Variants in ADIPOR2 observed in about 807,000 individuals in gnomAD.
ADIPOR2 encodes the protein adiponectin receptor 2.
ADIPOR2 carries 18 observed loss-of-function variants against 40.9 expected under a neutral mutation model. The observed-to-expected ratio is 0.44, with a 90% confidence interval of 0.30 to 0.65. The LOEUF (loss-of-function observed/expected upper bound fraction) is 0.65, where lower values mean the gene tolerates loss of function less well. Ranked by LOEUF, ADIPOR2 falls within the 30% of genes least tolerant of loss-of-function variation. The pLI, the probability that ADIPOR2 is intolerant of heterozygous loss-of-function variation, is 0.09. For missense variants in ADIPOR2, 283 were observed against 479.2 expected (o/e 0.59, Z 3.82); for synonymous variants, 165 against 166.4 (o/e 0.99, Z 0.06).
At position 1,754,397 on chromosome 12, in the gene ADIPOR2, T is replaced by C; in HGVS notation, c.54T>C (p.Asp18=). The change falls in exon 2 of 8, where the codon GAT becomes GAC. Residue 18 remains aspartate, a synonymous_variant. Transcript: ENST00000357103. ...GGTGCAGCAGGACTCCAGAGCCAGA[T>C]ATAAGGCTCAGAAAAGGGCACCAAC... The part of the protein sequence containing the change: ...RLGCSRTPEP[D]IRLRKGHQLD... 1.7e-5 allele frequency: 28 copies of C among 1,613,362 alleles called. No homozygotes were observed. Among genetic ancestry groups the C allele is most frequent in the Non-Finnish European group, 2.3e-5 (27 of 1,179,688 alleles).
At chr12:1,704,275 C>A (rs947018888) in intron 1 of ADIPOR2, among the ~76,000 whole-genome samples, 2 of 151,888 alleles carry the variant, frequency 1.3e-5, no homozygotes, top group African/African-American at 4.8e-5. Flanking sequence ...ATCTCTGTGA[C>A]CAGAGTGATA....
intron 1 of ADIPOR2, among the ~76,000 whole-genome samples, chr12:1,723,463 G>GAAAAAA (rs58233234): frequency 9.4e-6 from 1 of 106,192 alleles, no homozygotes. Flanking sequence ...CGTCTCTACT[G>GAAAAAA]AAAAAAAAAA....
At chr12:1,762,040 T>G (rs1218639326) in intron 2 of ADIPOR2, among the ~76,000 whole-genome samples, 1 of 152,208 alleles carries the variant, frequency 6.6e-6, no homozygotes, top group Non-Finnish European at 1.5e-5. Flanking sequence ...TTCATTGAGC[T>G]GCAGCCGCAT....
intron 7 of ADIPOR2, among the ~76,000 whole-genome samples, chr12:1,784,613 A>G (rs563876911): frequency 6.6e-6 from 1 of 152,262 alleles, no homozygotes; most frequent in East Asian, 1.9e-4. Context: ...AAATTTAGTG[A>G]TTTGTAATGG....
At chr12:1,748,306 T>A (rs890775635) in intron 1 of ADIPOR2, among the ~76,000 whole-genome samples, 35 of 152,194 alleles carry the variant, frequency 2.3e-4, no homozygotes, top group South Asian at 1.2e-3. Context: ...TGGAGTGCAG[T>A]GGCGCGATCT....
At chr12:1,716,143 C>T (rs1005523930) in intron 1 of ADIPOR2, among the ~76,000 whole-genome samples, 5 of 152,158 alleles carry the variant, frequency 3.3e-5, no homozygotes, top group East Asian at 1.9e-4. Flanking sequence ...GAACCAACTC[C>T]GCACACATAA....
intron 1 of ADIPOR2, among the ~76,000 whole-genome samples, chr12:1,716,367 A>C (rs1001578991): frequency 6.6e-6 from 1 of 152,206 alleles, no homozygotes; most frequent in Non-Finnish European, 1.5e-5. Context: ...TGTAGTTATT[A>C]ATATGACCAG....
At chr12:1,710,256 C>T (rs2094673575) in intron 1 of ADIPOR2, among the ~76,000 whole-genome samples, 1 of 152,200 alleles carries the variant, frequency 6.6e-6, no homozygotes, top group African/African-American at 2.4e-5. Flanking sequence ...GTCAGGTCCC[C>T]TTCCATGCTG....
At chr12:1,723,992 T>G (rs1477983452) in intron 1 of ADIPOR2, among the ~76,000 whole-genome samples, 1 of 152,076 alleles carries the variant, frequency 6.6e-6, no homozygotes, top group Non-Finnish European at 1.5e-5. Context: ...ATCTTTTTTT[T>G]TTTTTGGGAG....
rs544387816 is a variant in ADIPOR2, at chr12:1,787,664, G to C, written c.*1592G>C. The stretch of plus-strand genomic sequence containing the variant: ...CTTGGGATGACTCCATTATATCCTG[G>C]GGTTGTGGGTATTAGAACTAAATAT... On this transcript the variant is annotated 3_prime_UTR_variant, in exon 8 of 8. Coordinates refer to ENST00000357103, the MANE Select transcript of ADIPOR2 (RefSeq NM_024551.3). The C allele has an allele frequency of 2.0e-5, 3 of 152,338 alleles. No individual in the cohort carries two copies. The East Asian group carries it at 5.8e-4, about 29-fold the overall frequency. The allele number at this position is 152,338 out of a possible 1,614,324, so 9.4% of individuals were successfully genotyped here. A position where few individuals can be genotyped will look rare whatever the true frequency, so the allele number is the denominator to read the frequency against.
intron 1 of ADIPOR2, chr12:1,702,972 A>G (rs2154441450): frequency 6.6e-6 from 1 of 152,356 alleles, no homozygotes; most frequent in South Asian, 2.1e-4. Context: ...CTGCTATTCA[A>G]AACTTCCTGG....
chr12:1,699,100 A>T (rs2094645084), intron 1 of ADIPOR2, among the ~76,000 whole-genome samples: 1 of 152,140 alleles, frequency 6.6e-6, no homozygotes, highest in Non-Finnish European at 1.5e-5. Flanking sequence ...GATCAAAAAG[A>T]ATCTGGGTGC....
intron 1 of ADIPOR2, among the ~76,000 whole-genome samples, chr12:1,713,006 A>T (rs1374784733): frequency 1.3e-5 from 2 of 152,106 alleles, no homozygotes; most frequent in East Asian, 3.8e-4. Flanking sequence ...GCCAAAAGTA[A>T]ATCATCCACA....
chr12:1,697,177 C>T (rs2094640916), intron 1 of ADIPOR2: 1 of 152,180 alleles, frequency 6.6e-6, no homozygotes, highest in Non-Finnish European at 1.5e-5. Context: ...CTGTGTGCTT[C>T]AGGAGTGTTT....
At chr12:1,782,644 T>C (rs1862740736) in intron 6 of ADIPOR2, among the ~76,000 whole-genome samples, 1 of 152,356 alleles carries the variant, frequency 6.6e-6, no homozygotes, top group African/African-American at 2.4e-5. Context: ...CAGTCTGATA[T>C]TTTAAATTTT....
intron 1 of ADIPOR2, among the ~76,000 whole-genome samples, chr12:1,720,822 TA>T (rs2094696446): frequency 1.3e-5 from 2 of 152,168 alleles, no homozygotes; most frequent in Non-Finnish European, 2.9e-5. Flanking sequence ...CCTCAATCCC[TA>T]AACTAAAGGA....
intron 1 of ADIPOR2, chr12:1,702,969 T>A (rs1330504378): frequency 6.6e-6 from 1 of 152,240 alleles, no homozygotes; most frequent in Admixed American, 6.5e-5. Context: ...ACGCTGCTAT[T>A]CAAAACTTCC....
intron 1 of ADIPOR2, among the ~76,000 whole-genome samples, chr12:1,691,723 G>C (rs1443125113): frequency 2.0e-5 from 3 of 152,154 alleles, no homozygotes; most frequent in Non-Finnish European, 4.4e-5. Flanking sequence ...GGTACCTGGA[G>C]TCCTGTTTTC....
chr12:1,695,061 A>G (rs1182255986), intron 1 of ADIPOR2, among the ~76,000 whole-genome samples: 1 of 145,996 alleles, frequency 6.8e-6, no homozygotes, highest in Non-Finnish European at 1.5e-5. Flanking sequence ...TCTGTATCTC[A>G]GGCTGGAGTG....
Sources: allele counts gnomAD v4.1 joint callset (sites outside exome capture counted in the v4.1 genomes callset), GRCh38; gene constraint gnomAD v4.1.1; transcripts MANE v1.5; gene names NCBI Gene and HGNC (gene_info 2026-07-23, HGNC 2026-07-21).